ELMO1: variants seen among roughly 807,000 people sequenced by gnomAD.
ELMO1 encodes the protein engulfment and cell motility protein 1.
ELMO1 carries 26 observed loss-of-function variants against 98.9 expected under a neutral mutation model. The ratio of observed to expected loss-of-function variants is 0.26; its 90% confidence interval spans 0.19 to 0.36. The LOEUF (loss-of-function observed/expected upper bound fraction) is 0.36, where lower values mean the gene tolerates loss of function less well. Ranked by LOEUF, ELMO1 falls within the 10% of genes least tolerant of loss-of-function variation. ELMO1 has a pLI of 1.00. For missense variants in ELMO1, 627 were observed against 935.2 expected, an observed-to-expected ratio of 0.67 and a Z score of 4.30; for synonymous variants, 346 against 346.0, an observed-to-expected ratio of 1.00 and a Z score of 0.00.
At chr7:37,160,278 T>C (rs997147954) in intron 13 of ELMO1, among the ~76,000 whole-genome samples, 1 of 152,248 alleles carries the variant, frequency 6.6e-6, no homozygotes, top group Non-Finnish European at 1.5e-5. Flanking sequence ...AGTTTTCATA[T>C]TACATTTTGT....
chr7:37,137,683 C>T (rs111304698), intron 13 of ELMO1, among the ~76,000 whole-genome samples: 3,476 of 152,140 alleles, frequency 0.023, 140 homozygotes, highest in African/African-American at 0.08. Context: ...AATACAGCCA[C>T]GTGCCACCAT....
intron 4 of ELMO1, among the ~76,000 whole-genome samples, chr7:37,298,425 G>A (rs1362751595): frequency 7.0e-6 from 1 of 143,414 alleles, no homozygotes; most frequent in Admixed American, 7.1e-5. Flanking sequence ...CTAGCATTAG[G>A]TATATCTCCC....
At chr7:37,440,120 T>C (rs751793477) in intron 1 of ELMO1, among the ~76,000 whole-genome samples, 6 of 151,890 alleles carry the variant, frequency 4.0e-5, no homozygotes, top group African/African-American at 1.2e-4. Flanking sequence ...TGGCCCACAA[T>C]TGGAATAACT....
chr7:37,441,777 T>C (rs1805426267), intron 1 of ELMO1, among the ~76,000 whole-genome samples: 1 of 152,046 alleles, frequency 6.6e-6, no homozygotes, highest in South Asian at 2.1e-4. Context: ...GAAACATGCA[T>C]GGAAAGGAAA....
At chr7:37,033,605 C>A (rs187780273) in intron 15 of ELMO1, among the ~76,000 whole-genome samples, 1 of 152,184 alleles carries the variant, frequency 6.6e-6, no homozygotes, top group Admixed American at 6.5e-5. Flanking sequence ...ACAAGGGTCC[C>A]GGTACACTGA....
intron 16 of ELMO1, among the ~76,000 whole-genome samples, chr7:36,912,400 G>A (rs1028449090): frequency 3.3e-5 from 5 of 152,238 alleles, no homozygotes; most frequent in African/African-American, 4.8e-5. Flanking sequence ...AGACACCTTA[G>A]AAAGGCAGCA....
intron 13 of ELMO1, among the ~76,000 whole-genome samples, chr7:37,166,745 G>C (rs1563050415): frequency 6.6e-6 from 1 of 152,118 alleles, no homozygotes; most frequent in Non-Finnish European, 1.5e-5. Flanking sequence ...GATGAGGAGA[G>C]CTTTACTTCC....
chr7:37,105,608 T>C (rs1266116308), intron 14 of ELMO1, among the ~76,000 whole-genome samples: 1 of 152,222 alleles, frequency 6.6e-6, no homozygotes, highest in Non-Finnish European at 1.5e-5. Context: ...TCTAACAAGT[T>C]CCCAGTTAAC....
chr7:37,092,817 A>G (rs189441958), intron 15 of ELMO1, among the ~76,000 whole-genome samples: 2 of 152,326 alleles, frequency 1.3e-5, no homozygotes, highest in African/African-American at 4.8e-5. Context: ...CTCAAGGCAT[A>G]CAGCCAGTGA....
chr7:37,342,555 A>G lies in ELMO1; in HGVS notation c.78+58T>C. 1 of 1,543,074 alleles carries G rather than the reference A, an allele frequency of 6.5e-7. No individual in the cohort carries two copies. Among genetic ancestry groups the G allele is most frequent in the Non-Finnish European group, 9.0e-7 (1 of 1,115,412 alleles). ...AGAGTGAGCTATCCAAAGTCTATGA[A>G]AATTCCAGTATAGAAAGGAAACTGA... On this transcript the variant is annotated intron_variant, in intron 2 of 21. Transcript: ENST00000310758. This position sits in a 1 kb window ranked among gnomAD's most constrained non-coding sequence, Gnocchi z 4.3.
chr7:37,213,615 T>G (rs971035619), intron 11 of ELMO1, among the ~76,000 whole-genome samples, 158 bp from the exon 12 acceptor site: 1 of 152,142 alleles, frequency 6.6e-6, no homozygotes, highest in Non-Finnish European at 1.5e-5. Context: ...TCCTTTGAAT[T>G]TCAGAGCCCA....
At chr7:37,075,451 G>A (rs554686628) in intron 15 of ELMO1, among the ~76,000 whole-genome samples, 1 of 151,870 alleles carries the variant, frequency 6.6e-6, no homozygotes, top group Non-Finnish European at 1.5e-5. Flanking sequence ...CACCACGCCC[G>A]GCCTCATTAG....
At position 37,233,238 on chromosome 7, in the gene ELMO1, G is replaced by T. The variant is rs1407747700; in HGVS notation, c.450-44C>A. On this transcript the variant is annotated intron_variant, in intron 7 of 21. Coordinates refer to ENST00000310758, the MANE Select transcript of ELMO1 (RefSeq NM_014800.11). ...CACAAGAGTCAAGAGCCCCAAAGCT[G>T]AGCAAAGACACAGAAGCAAGAAAGT... The T allele has an allele frequency of 5.2e-6, 8 of 1,540,084 alleles. No homozygotes were observed. In the African/African-American group the frequency reaches 7.0e-5, roughly 13 times the overall value.
chr7:37,314,961 G>A, intron 3 of ELMO1, 39 bp from the exon 4 acceptor site: 2 of 1,572,804 alleles, frequency 1.3e-6, no homozygotes, highest in South Asian at 2.3e-5. Context: ...AAAAATGAAA[G>A]TGGCCATTTT....
chr7:37,095,526 T>C (rs531644285), intron 15 of ELMO1, among the ~76,000 whole-genome samples: 1 of 152,326 alleles, frequency 6.6e-6, no homozygotes, highest in East Asian at 1.9e-4. Context: ...AATGCAAAAA[T>C]GCTCATGTTC....
chr7:37,212,902 G>C (rs1055432932), intron 12 of ELMO1, among the ~76,000 whole-genome samples: 4 of 152,078 alleles, frequency 2.6e-5, no homozygotes, highest in Non-Finnish European at 5.9e-5. Context: ...CAGAAATCAG[G>C]TTTAATCTGG....
At chr7:37,309,896 C>T (rs1220800213) in intron 4 of ELMO1, among the ~76,000 whole-genome samples, 3 of 152,170 alleles carry the variant, frequency 2.0e-5, no homozygotes, top group Non-Finnish European at 2.9e-5. Flanking sequence ...CTGGGATTAC[C>T]CTGCTTACTT....
chr7:37,192,967 GGA>G (rs200376831), intron 13 of ELMO1, among the ~76,000 whole-genome samples: 1,788 of 79,150 alleles, frequency 0.023, 18 homozygotes, highest in Middle Eastern at 0.047. Context: ...TATATATATA[GGA>G]GATATATATA....
intron 14 of ELMO1, among the ~76,000 whole-genome samples, chr7:37,105,415 C>T (rs1203454260): frequency 6.6e-6 from 1 of 152,160 alleles, no homozygotes; most frequent in East Asian, 1.9e-4. Flanking sequence ...GTGTTCCTGG[C>T]CCCAAGGATG....
Sources: allele counts gnomAD v4.1 joint callset (sites outside exome capture counted in the v4.1 genomes callset), GRCh38; gene constraint gnomAD v4.1.1; non-coding constraint Gnocchi (gnomAD v3.1); transcripts MANE v1.5; gene names NCBI Gene and HGNC (gene_info 2026-07-23, HGNC 2026-07-21).